AKT3: variants seen among roughly 807,000 people sequenced by gnomAD.
The protein encoded by AKT3 is AKT serine/threonine kinase 3.
Under a neutral mutation model 65.3 loss-of-function variants are expected in AKT3, and 15 were observed. The observed-to-expected ratio is 0.23, with a 90% CI of 0.15 to 0.35. The LOEUF is 0.35. Among genes scored for constraint, AKT3 ranks in the 10% least tolerant of loss-of-function variants. The probability of loss-of-function intolerance (pLI) is 1.00; values close to 1 mark genes in which losing one functional copy is unlikely to be tolerated. For missense variants in AKT3, 243 were observed against 576.5 expected, an observed-to-expected ratio of 0.42 and a Z score of 5.92; for synonymous variants, 206 against 183.8, an observed-to-expected ratio of 1.12 and a Z score of -0.98.
chr1:243,612,478 T>A (rs1037577054), intron 8 of AKT3: 3 of 152,382 alleles, frequency 2.0e-5, no homozygotes, highest in East Asian at 1.9e-4. Flanking sequence ...AGGAAAAAAA[T>A]TCCATAAAGG....
rs923422596 is a variant in AKT3, at chr1:243,500,216, T to C, written c.*5033A>G. 2 of 261,074 alleles carry C rather than the reference T, an allele frequency of 7.7e-6. No homozygotes were observed. Among genetic ancestry groups the C allele is most frequent in the African/African-American group, 2.2e-5 (1 of 46,018 alleles). 16.2% of individuals were successfully genotyped at this position (261,074 alleles called of 1,614,324 possible). ...TTTTTTCCTGCCATTCATTTTTCTTTTCATGATCTATATATCAATCATCCT... is the reference window on the plus strand; with the variant it reads ...TTTTTTCCTGCCATTCATTTTTCTTCTCATGATCTATATATCAATCATCCT... On this transcript the variant is annotated 3_prime_UTR_variant, in exon 14 of 14. Transcript: ENST00000673466.
intron 2 of AKT3, among the ~76,000 whole-genome samples, chr1:243,743,326 G>C (rs1260557361): frequency 6.6e-6 from 1 of 152,176 alleles, no homozygotes; most frequent in East Asian, 1.9e-4. Flanking sequence ...TCCTGGCAAA[G>C]AAATTTCCTG....
rs529722841 is a variant in AKT3 at position 243,706,354 on chromosome 1, A to G, written c.47-10638T>C. Among the ~76,000 whole-genome samples, 13 of 152,300 alleles carry G rather than the reference A, an allele frequency of 8.5e-5. No homozygotes were observed. In the East Asian group the frequency reaches 2.5e-3, roughly 29 times the overall value. ...AACAATAATGGTGCCTCACTACAGCACTAACTGGGAGTTTGCAGAGAAGGC... is the reference window on the plus strand; with the variant it reads ...AACAATAATGGTGCCTCACTACAGCGCTAACTGGGAGTTTGCAGAGAAGGC... On this transcript the variant is annotated intron_variant, in intron 2 of 13. Transcript: ENST00000673466.
intron 2 of AKT3, among the ~76,000 whole-genome samples, chr1:243,719,012 G>T (rs1196544719): frequency 6.6e-6 from 1 of 152,000 alleles, no homozygotes; most frequent in Non-Finnish European, 1.5e-5. Flanking sequence ...ATTCCCCTAA[G>T]GGAATGACTC....
intron 2 of AKT3, among the ~76,000 whole-genome samples, chr1:243,729,493 C>T (rs554528645): frequency 4.9e-4 from 74 of 151,974 alleles, no homozygotes; most frequent in Non-Finnish European, 8.7e-4. Context: ...AATCAAGTAC[C>T]TCATAGATTA....
chr1:243,568,482 C>CA (rs1330463110), intron 9 of AKT3, among the ~76,000 whole-genome samples: 5 of 150,142 alleles, frequency 3.3e-5, no homozygotes, highest in Admixed American at 6.6e-5. Context: ...GAATTTCCAC[C>CA]AAAAAAAAGG....
chr1:243,647,866 T>C (rs565128639), intron 4 of AKT3, among the ~76,000 whole-genome samples: 2 of 152,376 alleles, frequency 1.3e-5, no homozygotes, highest in African/African-American at 4.8e-5. Context: ...TTGAATATTA[T>C]GTAAGTTGTA....
At chr1:243,745,429 C>T (rs866798916) in intron 2 of AKT3, among the ~76,000 whole-genome samples, 7 of 152,180 alleles carry the variant, frequency 4.6e-5, no homozygotes, top group South Asian at 2.1e-4. Flanking sequence ...TCAGAGCATA[C>T]TAAAAACATG....
intron 5 of AKT3, among the ~76,000 whole-genome samples, chr1:243,640,059 T>C (rs908499281): frequency 2.6e-5 from 4 of 152,234 alleles, no homozygotes; most frequent in Non-Finnish European, 4.4e-5. Flanking sequence ...TCATATTTTT[T>C]ATAATTTTCC....
chr1:243,753,507 A>G (rs1391708602), intron 2 of AKT3, among the ~76,000 whole-genome samples: 1 of 152,192 alleles, frequency 6.6e-6, no homozygotes, highest in Non-Finnish European at 1.5e-5. Context: ...ATATATACAC[A>G]CAAATGACCC....
At chr1:243,830,117 T>C (rs1432753812) in intron 2 of AKT3, among the ~76,000 whole-genome samples, 1 of 152,174 alleles carries the variant, frequency 6.6e-6, no homozygotes, top group Non-Finnish European at 1.5e-5. Flanking sequence ...GAAAAAGAAA[T>C]CATCTGTACT....
At chr1:243,813,765 A>C (rs900224481) in intron 2 of AKT3, among the ~76,000 whole-genome samples, 2 of 152,204 alleles carry the variant, frequency 1.3e-5, no homozygotes, top group Non-Finnish European at 2.9e-5. Flanking sequence ...CTTAGAGATA[A>C]AGTGATATCT....
At chr1:243,593,894 G>A (rs773702366) in intron 8 of AKT3, among the ~76,000 whole-genome samples, 10 of 152,072 alleles carry the variant, frequency 6.6e-5, no homozygotes, top group Non-Finnish European at 1.0e-4. Context: ...CACAATGTTC[G>A]CTACTTTTGT....
chr1:243,738,725 T>C (rs1274626676), intron 2 of AKT3, among the ~76,000 whole-genome samples: 1 of 152,210 alleles, frequency 6.6e-6, no homozygotes, highest in Non-Finnish European at 1.5e-5. Flanking sequence ...AATTTAGTGT[T>C]CAGTTACAAT....
intron 2 of AKT3, among the ~76,000 whole-genome samples, chr1:243,719,085 G>C (rs1294695843): frequency 6.6e-6 from 1 of 152,298 alleles, no homozygotes; most frequent in Middle Eastern, 3.4e-3. Context: ...AAGGTATGCA[G>C]TTCTATTCAT....
chr1:243,776,986 C>T (rs1044097745), intron 2 of AKT3, among the ~76,000 whole-genome samples: 1 of 152,156 alleles, frequency 6.6e-6, no homozygotes, highest in African/African-American at 2.4e-5. Context: ...GACAGTAATA[C>T]AATGTAATAA....
intron 6 of AKT3, among the ~76,000 whole-genome samples, chr1:243,619,135 T>C (rs1044673000): frequency 1.3e-5 from 2 of 152,068 alleles, no homozygotes; most frequent in African/African-American, 4.8e-5. Flanking sequence ...ATTTCCTCCA[T>C]CCACCCAGAG....
intron 3 of AKT3, among the ~76,000 whole-genome samples, chr1:243,672,681 G>A (rs1418219188): frequency 1.3e-5 from 2 of 152,146 alleles, no homozygotes; most frequent in Non-Finnish European, 2.9e-5. Context: ...AACTTGAGTT[G>A]AATTTGAAGT....
intron 2 of AKT3, among the ~76,000 whole-genome samples, chr1:243,841,905 C>T (rs916994819): frequency 1.3e-5 from 2 of 151,948 alleles, no homozygotes; most frequent in African/African-American, 4.8e-5. Flanking sequence ...TAAAAGAAAT[C>T]AGCCATAAAA....
Sources: gnomAD v4.1 joint callset for allele counts (sites outside exome capture counted in the v4.1 genomes callset) on GRCh38, gnomAD v4.1.1 for gene constraint, MANE v1.5 for transcripts, NCBI Gene and HGNC (gene_info 2026-07-23, HGNC 2026-07-21) for gene names.